Variants in TMEM131L observed in about 807,000 individuals in gnomAD.
TMEM131L encodes the protein transmembrane 131 like.
A neutral mutation model predicts 192.2 loss-of-function variants in TMEM131L; 54 were observed. The ratio of observed to expected loss-of-function variants is 0.28; its 90% CI spans 0.23 to 0.35. TMEM131L has a LOEUF of 0.35. Among genes scored for constraint, TMEM131L ranks in the 10% least tolerant of loss-of-function variants. TMEM131L has a pLI of 1.00. For synonymous variants in TMEM131L, 701 were observed against 704.9 expected (o/e 0.99, Z 0.09); for missense variants, 1,888 against 1,972.9 (o/e 0.96, Z 0.82).
At chr4:153,577,437 A>G (rs1042700057) in intron 7 of TMEM131L, among the ~76,000 whole-genome samples, 1 of 152,108 alleles carries the variant, frequency 6.6e-6, no homozygotes, top group Non-Finnish European at 1.5e-5. Flanking sequence ...TTTTTTGTGT[A>G]GTTTTGTGGT....
At chr4:153,519,707 A>G (rs1318824028) in intron 3 of TMEM131L, among the ~76,000 whole-genome samples, 1 of 152,264 alleles carries the variant, frequency 6.6e-6, no homozygotes, top group Non-Finnish European at 1.5e-5. Flanking sequence ...TGAAGGAAAA[A>G]TGAGCCCCAC....
chr4:153,527,367 G>A (rs938211278), intron 3 of TMEM131L, among the ~76,000 whole-genome samples: 1 of 152,018 alleles, frequency 6.6e-6, no homozygotes, highest in Non-Finnish European at 1.5e-5. Context: ...CCGCCTCCTG[G>A]GTTCAAGCAA....
At chr4:153,582,510 C>T (rs542495935) in intron 9 of TMEM131L, among the ~76,000 whole-genome samples, 107 of 129,098 alleles carry the variant, frequency 8.3e-4, no homozygotes, top group African/African-American at 2.8e-3. Context: ...AACTCCTGGG[C>T]TCAAGCATTC....
At chr4:153,536,408 A>G (rs1178728157) in intron 3 of TMEM131L, among the ~76,000 whole-genome samples, 1 of 152,226 alleles carries the variant, frequency 6.6e-6, no homozygotes, top group Non-Finnish European at 1.5e-5. Context: ...ATTAAGAACA[A>G]TTAAGTTCCC....
intron 7 of TMEM131L, among the ~76,000 whole-genome samples, chr4:153,575,804 C>G (rs565377649): frequency 6.6e-6 from 1 of 152,256 alleles, no homozygotes; most frequent in East Asian, 1.9e-4. Flanking sequence ...CCTGTCTAAT[C>G]AGCCCAGGCT....
chr4:153,476,433 G>C (rs2149762176), intron 3 of TMEM131L, among the ~76,000 whole-genome samples: 1 of 152,226 alleles, frequency 6.6e-6, no homozygotes, highest in African/African-American at 2.4e-5. Flanking sequence ...CGCAGTGGCT[G>C]ACGCCTGTAA....
At position 153,522,519 on chromosome 4, in the gene TMEM131L, G is replaced by A. The variant is rs538505517; in HGVS notation, c.240-27554G>A. Among the ~76,000 whole-genome samples, 9 of 152,226 alleles carry A rather than the reference G, an allele frequency of 5.9e-5. No homozygotes were observed. The South Asian group carries it at 1.5e-3, about 25-fold the overall frequency. On this transcript the variant is annotated intron_variant, in intron 3 of 34. Transcript: ENST00000409959. ...GGTCTGTGTGGCTCTTCCAGGAAGC[G>A]TGACCCTTCCCCCTGCCTCATGCTA...
intron 3 of TMEM131L, among the ~76,000 whole-genome samples, chr4:153,523,665 T>C (rs17369904): frequency 0.16 from 23,803 of 152,172 alleles, 2,392 homozygotes; most frequent in Non-Finnish European, 0.22. Flanking sequence ...TGCTTCTAAT[T>C]GGCCTCAAGT....
chr4:153,548,145 G>C (rs1250618874), intron 3 of TMEM131L, among the ~76,000 whole-genome samples: 2 of 152,106 alleles, frequency 1.3e-5, no homozygotes, highest in African/African-American at 4.8e-5. Flanking sequence ...CGTCGTTTCC[G>C]GAGGCAACTT....
chr4:153,549,537 G>T lies in TMEM131L; in HGVS notation c.240-536G>T, dbSNP rs149089323. Among the ~76,000 whole-genome samples the T allele has an allele frequency of 2.4e-3, 372 of 152,200 alleles. 1 individual carries two copies. The highest frequency in any genetic ancestry group is 0.024 in the Middle Eastern group (7 of 294). ...TCTGCTATATTGATTTGTGCCTTTT[G>T]ACTATGAAGGAAAATGAAATCATAG... is the stretch of plus-strand genomic sequence containing the variant. On this transcript the variant is annotated intron_variant, in intron 3 of 34. Coordinates refer to ENST00000409959, the MANE Select transcript of TMEM131L (RefSeq NM_001131007.2).
At chr4:153,526,896 T>C (rs1406390142) in intron 3 of TMEM131L, among the ~76,000 whole-genome samples, 2 of 152,184 alleles carry the variant, frequency 1.3e-5, no homozygotes, top group African/African-American at 4.8e-5. Context: ...GTTCACATCA[T>C]GTCTATTCTG....
At chr4:153,516,595 T>G (rs1443521302) in intron 3 of TMEM131L, among the ~76,000 whole-genome samples, 1 of 152,198 alleles carries the variant, frequency 6.6e-6, no homozygotes. Flanking sequence ...AGGCTATATC[T>G]ACATTTGAAT....
rs1455698931 is a variant in TMEM131L at position 153,636,677 on chromosome 4, G to C, written c.*101G>C. 13 of 1,217,946 alleles carry C rather than the reference G, an allele frequency of 1.1e-5. No homozygotes were observed. Among genetic ancestry groups the C allele is most frequent in the Non-Finnish European group, 1.4e-5 (12 of 879,618 alleles). The allele number at this position is 1,217,946 out of a possible 1,614,324, so 75.4% of individuals were successfully genotyped here. A position where few individuals can be genotyped will look rare whatever the true frequency, so the allele number is the denominator to read the frequency against. The stretch of plus-strand genomic sequence containing the variant: ...AGATTATGACATTGGTGGATATTTT[G>C]GCACTTTTATATGAAAATAAATTTT... On this transcript the variant is annotated 3_prime_UTR_variant, in exon 35 of 35. Coordinates refer to ENST00000409959, the MANE Select transcript of TMEM131L (RefSeq NM_001131007.2).
At chr4:153,587,687 A>G in intron 14 of TMEM131L, 55 bp from the exon 15 acceptor site, 1 of 1,317,224 alleles carries the variant, frequency 7.6e-7, no homozygotes, top group Non-Finnish European at 1.1e-6. Context: ...GTGCATTAGA[A>G]TTTTTATGTT....
chr4:153,616,705 A>G (rs915834292), intron 26 of TMEM131L, among the ~76,000 whole-genome samples: 3 of 152,212 alleles, frequency 2.0e-5, no homozygotes, highest in Non-Finnish European at 4.4e-5. Context: ...ATTCTTTTCT[A>G]TGCAGATTTT....
In TMEM131L at chr4:153,475,446, T is replaced by G. The variant is rs796159135; in HGVS notation, c.239+1558T>G. Among the ~76,000 whole-genome samples, 108 of 152,360 alleles carry G rather than the reference T, an allele frequency of 7.1e-4. 1 individual carries two copies. Among genetic ancestry groups the G allele is most frequent in the African/African-American group, 2.4e-3 (100 of 41,586 alleles). The stretch of plus-strand genomic sequence containing the variant: ...AAAAGTTAAAAAGGAAAGGATTAAG[T>G]TGATAAAAAACCTGTCTCATTCTAG... On this transcript the variant is annotated intron_variant, in intron 3 of 34. Transcript: ENST00000409959.
intron 2 of TMEM131L, among the ~76,000 whole-genome samples, chr4:153,472,163 A>G (rs1197302661): frequency 2.0e-5 from 3 of 152,180 alleles, no homozygotes; most frequent in Non-Finnish European, 2.9e-5. Context: ...ACTAAACACT[A>G]TGAAGTTTAC....
chr4:153,509,933 T>G (rs1289125764), intron 3 of TMEM131L, among the ~76,000 whole-genome samples: 1 of 152,134 alleles, frequency 6.6e-6, no homozygotes, highest in Non-Finnish European at 1.5e-5. Flanking sequence ...ATGGTGCCCT[T>G]GTGTTGATTT....
intron 3 of TMEM131L, among the ~76,000 whole-genome samples, chr4:153,531,716 A>G (rs1371145156): frequency 2.0e-5 from 3 of 152,212 alleles, no homozygotes. Context: ...AGACAATGGA[A>G]GTTATTTAAA....
Sources: gnomAD v4.1 joint callset for allele counts (sites outside exome capture counted in the v4.1 genomes callset) on GRCh38, gnomAD v4.1.1 for gene constraint, MANE v1.5 for transcripts, NCBI Gene and HGNC (gene_info 2026-07-23, HGNC 2026-07-21) for gene names.